Variants in CDH22 observed in about 807,000 individuals in gnomAD.
CDH22 encodes the protein cadherin 22.
In CDH22, 30 loss-of-function variants were observed where a neutral mutation model predicts 58.4. The observed-to-expected ratio is 0.51, with a 90% CI of 0.38 to 0.70. The LOEUF (loss-of-function observed/expected upper bound fraction) is 0.70, where lower values mean the gene tolerates loss of function less well. CDH22 is among the 30% of genes least tolerant of loss of function. The pLI is 0.00. For synonymous variants in CDH22, 513 were observed against 558.2 expected (o/e 0.92, Z 1.14); for missense variants, 1,014 against 1,233.9 (o/e 0.82, Z 2.67).
At chr20:46,285,320 C>A (rs1206589887) in intron 1 of CDH22, among the ~76,000 whole-genome samples, 2 of 152,224 alleles carry the variant, frequency 1.3e-5, no homozygotes, top group African/African-American at 4.8e-5. Context: ...CCCACTCCCC[C>A]ACCACAATGT....
At chr20:46,238,172 G>A (rs1276891204) in intron 3 of CDH22, among the ~76,000 whole-genome samples, 1 of 152,180 alleles carries the variant, frequency 6.6e-6, no homozygotes, top group Non-Finnish European at 1.5e-5. Context: ...CCTTCAGATG[G>A]GGCTCCTGCT....
chr20:46,206,742 C>G (rs947126855), intron 7 of CDH22, among the ~76,000 whole-genome samples: 1 of 152,186 alleles, frequency 6.6e-6, no homozygotes, highest in African/African-American at 2.4e-5. Context: ...AGCAGTTATT[C>G]CATTTAACCA....
chr20:46,213,596 C>T (rs1245108516), intron 5 of CDH22, among the ~76,000 whole-genome samples: 1 of 152,186 alleles, frequency 6.6e-6, no homozygotes, highest in Non-Finnish European at 1.5e-5. Flanking sequence ...GCCTTCCTAA[C>T]AGCTGTGTGT....
intron 4 of CDH22, among the ~76,000 whole-genome samples, chr20:46,226,399 C>T (rs190227945): frequency 6.6e-6 from 1 of 151,736 alleles, no homozygotes; most frequent in East Asian, 2.0e-4. Flanking sequence ...AATCATCCCA[C>T]CTCAGCCTCC....
chr20:46,287,490 G>A (rs772511604), intron 1 of CDH22, among the ~76,000 whole-genome samples: 19 of 152,096 alleles, frequency 1.2e-4, no homozygotes, highest in African/African-American at 4.3e-4. Flanking sequence ...TGGGGGTGGC[G>A]AGGGCGAGGG....
intron 1 of CDH22, among the ~76,000 whole-genome samples, chr20:46,292,915 G>T (rs1213327524): frequency 8.6e-6 from 1 of 115,776 alleles, no homozygotes; most frequent in Admixed American, 8.9e-5. Flanking sequence ...CCAGCCACTG[G>T]TTGTGTGTGT....
At chr20:46,287,982 G>A (rs1461263189) in intron 1 of CDH22, among the ~76,000 whole-genome samples, 1 of 152,176 alleles carries the variant, frequency 6.6e-6, no homozygotes, top group African/African-American at 2.4e-5. Flanking sequence ...TCGGGATATA[G>A]TAGGAATGCT....
intron 4 of CDH22, among the ~76,000 whole-genome samples, chr20:46,222,446 AC>A (rs1772433285): frequency 6.6e-6 from 1 of 152,238 alleles, no homozygotes; most frequent in South Asian, 2.1e-4. Flanking sequence ...AGGATCTGGC[AC>A]TTAGAAGGTG....
intron 7 of CDH22, among the ~76,000 whole-genome samples, chr20:46,202,730 G>A (rs1373962382): frequency 1.3e-5 from 2 of 152,202 alleles, no homozygotes; most frequent in East Asian, 3.9e-4. Flanking sequence ...AAGCTTCAGG[G>A]TCCCCTTTGC....
Position 46,174,693 on chromosome 20 carries a change from T to C in CDH22, c.2300A>G (p.Tyr767Cys). 1 of 1,559,016 alleles carries C rather than the reference T, an allele frequency of 6.4e-7. No individual in the cohort carries two copies. The highest frequency in any genetic ancestry group is 8.6e-7 in the Non-Finnish European group (1 of 1,160,074). The change falls in exon 12 of 12, where the codon TAC (tyrosine) becomes TGC (cysteine). Residue 767 changes from tyrosine to cysteine, a missense_variant. Tyr to Cys is a radical substitution (Grantham distance 194, BLOSUM62 -2). Around this residue, in one of 2 missense-constraint regions of CDH22, gnomAD observed 208 missense variants for 195.2 expected, o/e 1.07. Coordinates refer to ENST00000537909, the MANE Select transcript of CDH22 (RefSeq NM_021248.3). The surrounding 1 kb of genome is among the most constrained non-coding windows in gnomAD (Gnocchi z 4.4). ...GAAGGCGTAGGTCTGGAAGGCGTCG[T>C]AGGGCGGCACCGACAGGTCCCCGTC... is the stretch of plus-strand genomic sequence containing the variant. ...LADGDLSVPP[Y>C]DAFQTYAFEG...
chr20:46,291,687 C>T (rs1016651540), intron 1 of CDH22, among the ~76,000 whole-genome samples: 1 of 152,274 alleles, frequency 6.6e-6, no homozygotes, highest in Non-Finnish European at 1.5e-5. Context: ...CTCAACACAG[C>T]CAGGTCTGCC....
At chr20:46,221,268 GTTTTTTTTTTTCTTT>G (rs2086122843) in intron 4 of CDH22, among the ~76,000 whole-genome samples, 1 of 125,462 alleles carries the variant, frequency 8.0e-6, no homozygotes, top group Admixed American at 9.5e-5. Context: ...CAGGTTTTGG[GTTTTTTTTTTTCTTT>G]TTTTTTTTTT....
intron 1 of CDH22, among the ~76,000 whole-genome samples, chr20:46,276,845 A>C (rs2086520992): frequency 6.6e-6 from 1 of 152,294 alleles, no homozygotes; most frequent in East Asian, 1.9e-4. Flanking sequence ...GAGCTTCTCC[A>C]CCTAAGTGGA....
chr20:46,177,563 G>A (rs1057233327), intron 11 of CDH22, among the ~76,000 whole-genome samples: 13 of 152,188 alleles, frequency 8.5e-5, no homozygotes, highest in African/African-American at 2.9e-4. Context: ...GACCCCCAGC[G>A]CTTTCATCTG....
chr20:46,276,338 C>T (rs1049558404), intron 1 of CDH22, among the ~76,000 whole-genome samples: 7 of 152,274 alleles, frequency 4.6e-5, no homozygotes, highest in Middle Eastern at 6.8e-3. Context: ...AGGATCACTT[C>T]GGCTGTCAAG....
At chr20:46,252,709 G>A (rs2086386004) in intron 1 of CDH22, among the ~76,000 whole-genome samples, 1 of 152,234 alleles carries the variant, frequency 6.6e-6, no homozygotes, top group Admixed American at 6.5e-5. Context: ...TTTGTGCCAG[G>A]TTTGGCCAGT....
At chr20:46,307,885 G>A (rs1267463142) in intron 1 of CDH22, among the ~76,000 whole-genome samples, 1 of 152,018 alleles carries the variant, frequency 6.6e-6, no homozygotes, top group Admixed American at 6.5e-5. Flanking sequence ...CACCTTCCCA[G>A]CCCCTTTTGG....
chr20:46,192,248 T>C (rs1384391383), intron 8 of CDH22, among the ~76,000 whole-genome samples: 1 of 152,212 alleles, frequency 6.6e-6, no homozygotes, highest in Non-Finnish European at 1.5e-5. Context: ...GTCAAATGAA[T>C]GGATTCCACT....
At chr20:46,244,408 G>A (rs1251890970) in intron 2 of CDH22, among the ~76,000 whole-genome samples, 3 of 152,184 alleles carry the variant, frequency 2.0e-5, no homozygotes, top group African/African-American at 4.8e-5. Context: ...CCTGGGTCCC[G>A]GCTCCAGAGT....
Sources: allele counts gnomAD v4.1 joint callset (sites outside exome capture counted in the v4.1 genomes callset), GRCh38; gene constraint gnomAD v4.1.1; regional missense constraint gnomAD v4.1.1; non-coding constraint Gnocchi (gnomAD v3.1); transcripts MANE v1.5; gene names NCBI Gene and HGNC (gene_info 2026-07-23, HGNC 2026-07-21).